The following ITK variants were observed in gnomAD, a reference collection of about 807,000 sequenced individuals.
ITK encodes the protein tyrosine-protein kinase ITK/TSK.
In ITK, 45 loss-of-function variants were observed where a neutral mutation model predicts 87.6. The ratio of observed to expected loss-of-function variants is 0.51; its 90% confidence interval spans 0.40 to 0.66. ITK has a LOEUF of 0.66. Among genes scored for constraint, ITK ranks in the 30% least tolerant of loss-of-function variants. ITK has a pLI of 0.00. For missense variants in ITK, 605 were observed against 766.3 expected, an observed-to-expected ratio of 0.79 and a Z score of 2.48; for synonymous variants, 303 against 273.6, an observed-to-expected ratio of 1.11 and a Z score of -1.06.
At chr5:157,207,526 G>A (rs887697850) in intron 1 of ITK, among the ~76,000 whole-genome samples, 2 of 151,404 alleles carry the variant, frequency 1.3e-5, no homozygotes, top group African/African-American at 2.4e-5. Flanking sequence ...GATTATAGGC[G>A]CCCGCCACCA....
intron 1 of ITK, among the ~76,000 whole-genome samples, chr5:157,197,589 T>C (rs1055547529): frequency 6.6e-6 from 1 of 151,300 alleles, no homozygotes. Flanking sequence ...TCTTTGGATA[T>C]TGCATATACT....
chr5:157,200,458 T>C (rs1753942777), intron 1 of ITK, among the ~76,000 whole-genome samples: 1 of 152,196 alleles, frequency 6.6e-6, no homozygotes. Context: ...GCACAGTTGT[T>C]TGGGATGATT....
At chr5:157,186,089 A>T (rs1307115476) in intron 1 of ITK, among the ~76,000 whole-genome samples, 1 of 152,178 alleles carries the variant, frequency 6.6e-6, no homozygotes, top group Admixed American at 6.5e-5. Flanking sequence ...AACTTGCCTG[A>T]TGTCCCACGT....
intron 1 of ITK, among the ~76,000 whole-genome samples, chr5:157,199,070 T>C (rs545912182): frequency 8.5e-5 from 13 of 152,322 alleles, no homozygotes; most frequent in African/African-American, 3.1e-4. Context: ...TAGCATTTGC[T>C]AGTAGGTTTA....
rs1207540324 is a variant in ITK, at chr5:157,248,900, C to T, written c.1684C>T (p.Arg562Ter). 6.2e-6 allele frequency: 10 copies of T among 1,613,910 alleles called. No individual in the cohort carries two copies. The highest frequency in any genetic ancestry group is 6.8e-6 in the Non-Finnish European group (8 of 1,179,854). ...FSEGKIPYEN[R>*]SNSEVVEDIS... ...TGAAGGCAAAATCCCGTATGAAAAC[C>T]GAAGCAACTCAGAGGTGGTGGAAGA... Residue 562 changes from arginine to a stop codon, truncating the protein, a stop_gained, in exon 16 of 17, where the codon CGA (arginine) becomes TGA (stop). Coordinates refer to ENST00000422843, the MANE Select transcript of ITK (RefSeq NM_005546.4). LOFTEE classifies it high-confidence loss of function.
chr5:157,240,721 G>GA (rs1267824211), intron 10 of ITK: 2 of 181,164 alleles, frequency 1.1e-5, no homozygotes, highest in African/African-American at 4.8e-5. Context: ...GCAGGAGCAG[G>GA]AGCGAGGAGG....
At chr5:157,212,130 C>T (rs1026693696) in intron 3 of ITK, among the ~76,000 whole-genome samples, 12 of 152,202 alleles carry the variant, frequency 7.9e-5, no homozygotes, top group Admixed American at 4.6e-4. Flanking sequence ...CCTTGACCTT[C>T]GTGTGTCTCT....
intron 13 of ITK, chr5:157,245,468 C>A: frequency 1.8e-6 from 1 of 562,222 alleles, no homozygotes; most frequent in South Asian, 2.0e-5. Flanking sequence ...TTTGGTTAGA[C>A]AACACCAAGG....
At chr5:157,207,373 G>GTC (rs1318272342) in intron 1 of ITK, among the ~76,000 whole-genome samples, 45 of 101,620 alleles carry the variant, frequency 4.4e-4, no homozygotes, top group African/African-American at 1.4e-3. Context: ...ATCTAGATAC[G>GTC]TCTCTTTTTT....
chr5:157,199,069 CTAG>C (rs1352266960), intron 1 of ITK, among the ~76,000 whole-genome samples: 1 of 152,156 alleles, frequency 6.6e-6, no homozygotes, highest in East Asian at 1.9e-4. Context: ...CTAGCATTTG[CTAG>C]TAGGTTTATG....
At chr5:157,208,152 T>C (rs2113751888) in intron 1 of ITK, among the ~76,000 whole-genome samples, 1 of 152,330 alleles carries the variant, frequency 6.6e-6, no homozygotes, top group South Asian at 2.1e-4. Flanking sequence ...CAATGGAATT[T>C]GTTCCATTGG....
intron 6 of ITK, among the ~76,000 whole-genome samples, chr5:157,225,883 G>A (rs1484269927): frequency 6.6e-6 from 1 of 152,164 alleles, no homozygotes; most frequent in East Asian, 1.9e-4. Flanking sequence ...AATGTACCAG[G>A]AAATTTGTTC....
At chr5:157,230,689 A>G (rs1274396870) in intron 7 of ITK, among the ~76,000 whole-genome samples, 1 of 152,234 alleles carries the variant, frequency 6.6e-6, no homozygotes, top group Non-Finnish European at 1.5e-5. Flanking sequence ...TTTATTTCAA[A>G]TGACCACTAG....
At chr5:157,209,685 G>T (rs1489102180) in intron 2 of ITK, among the ~76,000 whole-genome samples, 1 of 152,112 alleles carries the variant, frequency 6.6e-6, no homozygotes, top group Non-Finnish European at 1.5e-5. Context: ...GGTATGAATT[G>T]CTTGGAGATT....
At chr5:157,227,401 T>C (rs941997689) in intron 6 of ITK, among the ~76,000 whole-genome samples, 12 of 152,208 alleles carry the variant, frequency 7.9e-5, no homozygotes, top group Non-Finnish European at 1.8e-4. Flanking sequence ...CAAAAGTGAC[T>C]CCTGATCCCC....
At chr5:157,189,218 A>G (rs1753703827) in intron 1 of ITK, among the ~76,000 whole-genome samples, 1 of 152,196 alleles carries the variant, frequency 6.6e-6, no homozygotes. Context: ...TTTTATGGAG[A>G]TAACCGTTGT....
Position 157,243,781 on chromosome 5 carries a change from G to A in ITK, c.1219G>A (p.Ala407Thr). 1 of 1,614,014 alleles carries A rather than the reference G, an allele frequency of 6.2e-7. No homozygotes were observed. Among genetic ancestry groups the A allele is most frequent in the Non-Finnish European group, 8.5e-7 (1 of 1,179,898 alleles). ...AMSEEDFIEE[A>T]EVMMKLSHPK... The stretch of plus-strand genomic sequence containing the variant: ...GTCAGAAGAGGACTTCATAGAGGAG[G>A]CTGAAGTAATGATGTGAGTGCTCAG... Residue 407 changes from alanine to threonine, a missense_variant, in exon 12 of 17, where the codon GCT (alanine) becomes ACT (threonine). Transcript: ENST00000422843.
At chr5:157,186,037 C>T (rs1235780248) in intron 1 of ITK, among the ~76,000 whole-genome samples, 1 of 152,064 alleles carries the variant, frequency 6.6e-6, no homozygotes, top group Non-Finnish European at 1.5e-5. Context: ...TGTTATTACC[C>T]CAATTTGTAG....
Position 157,248,854 on chromosome 5 carries a change from G to A in ITK, c.1638G>A (p.Val546=), listed in dbSNP as rs1333446844. 2 of 1,613,972 alleles carry A rather than the reference G, an allele frequency of 1.2e-6. No homozygotes were observed. Among genetic ancestry groups the A allele is most frequent in the African/African-American group, 1.3e-5 (1 of 75,032 alleles). ...TGTGCTCACCATTTCTTGTAGGTGTGCTGATGTGGGAAGTTTTCAGTGAAG... is the reference window on the plus strand; with the variant it reads ...TGTGCTCACCATTTCTTGTAGGTGTACTGATGTGGGAAGTTTTCAGTGAAG... ...SSKSDVWSFG[V]LMWEVFSEGK... The change falls in exon 16 of 17, where the codon GTG becomes GTA. Residue 546 remains valine, a synonymous_variant. Coordinates refer to ENST00000422843, the MANE Select transcript of ITK (RefSeq NM_005546.4).
Sources: gnomAD v4.1 joint callset for allele counts (sites outside exome capture counted in the v4.1 genomes callset) on GRCh38, gnomAD v4.1.1 for gene constraint, MANE v1.5 for transcripts, NCBI Gene and HGNC (gene_info 2026-07-23, HGNC 2026-07-21) for gene names.